RNF212B: variants seen among roughly 807,000 people sequenced by gnomAD.
The protein encoded by RNF212B is E3 ubiquitin-protein ligase RNF212B.
A neutral mutation model predicts 55.5 loss-of-function variants in RNF212B; 52 were observed. That is an observed-to-expected ratio of 0.94 (90% CI 0.75 to 1.18). RNF212B has a LOEUF of 1.18. RNF212B is among the 50% of genes most tolerant of loss of function. RNF212B has a pLI of 0.00. For missense variants in RNF212B, 289 were observed against 350.4 expected, an observed-to-expected ratio of 0.82 and a Z score of 1.40; for synonymous variants, 99 against 121.4, an observed-to-expected ratio of 0.82 and a Z score of 1.21.
At chr14:23,261,940 C>T (rs1017467913) in intron 7 of RNF212B, among the ~76,000 whole-genome samples, 1 of 151,948 alleles carries the variant, frequency 6.6e-6, no homozygotes, top group Non-Finnish European at 1.5e-5. Context: ...TGCACTCCAG[C>T]CTGGGTGACA....
chr14:23,267,816 C>A (rs1488246613), intron 11 of RNF212B, among the ~76,000 whole-genome samples: 1 of 152,160 alleles, frequency 6.6e-6, no homozygotes, highest in Non-Finnish European at 1.5e-5. Flanking sequence ...TATATTTTTT[C>A]ATCCTTCTCC....
chr14:23,207,142 C>T (rs1879924409), intron 2 of RNF212B, among the ~76,000 whole-genome samples: 4 of 152,144 alleles, frequency 2.6e-5, no homozygotes. Flanking sequence ...CAGCCAACAA[C>T]AAGAGTTAAG....
intron 2 of RNF212B, among the ~76,000 whole-genome samples, chr14:23,216,479 T>C (rs1368745004): frequency 6.6e-6 from 1 of 151,894 alleles, no homozygotes; most frequent in Non-Finnish European, 1.5e-5. Flanking sequence ...ATGGTTTAAC[T>C]GTATCAATCA....
At chr14:23,258,751 G>A in intron 5 of RNF212B, 87 bp downstream of exon 5, 1 of 540,854 alleles carries the variant, frequency 1.8e-6, no homozygotes, top group Non-Finnish European at 3.1e-6. Flanking sequence ...GCAAAGCCTG[G>A]AAATTGCTCC....
chr14:23,212,621 G>T (rs1880638597), intron 2 of RNF212B, among the ~76,000 whole-genome samples: 1 of 151,448 alleles, frequency 6.6e-6, no homozygotes, highest in Non-Finnish European at 1.5e-5. Context: ...TGTCGCCCAG[G>T]CCCAGGCTGG....
intron 2 of RNF212B, among the ~76,000 whole-genome samples, chr14:23,203,996 C>G (rs1038482819): frequency 6.6e-6 from 1 of 152,046 alleles, no homozygotes; most frequent in Non-Finnish European, 1.5e-5. Context: ...GCTGAGCATA[C>G]GTTTGTTTGC....
chr14:23,228,082 T>C (rs2140415350), intron 2 of RNF212B, among the ~76,000 whole-genome samples: 1 of 151,266 alleles, frequency 6.6e-6, no homozygotes, highest in South Asian at 2.1e-4. Context: ...AATACAAAAT[T>C]AGCCAGGCGT....
intron 2 of RNF212B, among the ~76,000 whole-genome samples, chr14:23,224,235 CAA>C (rs201138786): frequency 1.4e-5 from 2 of 139,982 alleles, no homozygotes; most frequent in Non-Finnish European, 1.6e-5. Flanking sequence ...TATAGAATGT[CAA>C]AAAAAAAAAG....
intron 10 of RNF212B, 85 bp downstream of exon 10, chr14:23,264,319 T>C: frequency 2.5e-6 from 3 of 1,179,140 alleles, no homozygotes; most frequent in East Asian, 2.6e-5. Context: ...TAAATTTATA[T>C]TGGTTTTGGC....
chr14:23,228,462 C>CAA (rs776673043), intron 2 of RNF212B, among the ~76,000 whole-genome samples: 2,554 of 75,858 alleles, frequency 0.034, 56 homozygotes, highest in African/African-American at 0.043. Context: ...CTATCTCTAC[C>CAA]AAAAAAAAAA....
At chr14:23,229,230 A>ATATATG (rs1285700371) in intron 2 of RNF212B, among the ~76,000 whole-genome samples, 6 of 56,774 alleles carry the variant, frequency 1.1e-4, no homozygotes, top group Non-Finnish European at 2.2e-4. Context: ...TTATATATAT[A>ATATATG]TATATATATA....
At chr14:23,218,171 C>A (rs555780630) in intron 2 of RNF212B, among the ~76,000 whole-genome samples, 39 of 151,368 alleles carry the variant, frequency 2.6e-4, no homozygotes, top group Middle Eastern at 3.5e-3. Context: ...GATCGAGACC[C>A]TCTTGGCTAA....
chr14:23,235,313 A>G (rs138653398), upstream of RNF212B, among the ~76,000 whole-genome samples: 1,365 of 152,238 alleles, frequency 9.0e-3, 16 homozygotes, highest in African/African-American at 0.031. Context: ...TTGTGCCACT[A>G]AACTCTAGCC....
chr14:23,186,214 G>A (rs372404194), intron 1 of RNF212B, among the ~76,000 whole-genome samples: 5 of 152,128 alleles, frequency 3.3e-5, no homozygotes, highest in East Asian at 3.8e-4. Flanking sequence ...ATCTTTTTGT[G>A]ACATAAACTC....
intron 1 of RNF212B, among the ~76,000 whole-genome samples, chr14:23,188,619 A>G (rs1877825607): frequency 6.6e-6 from 1 of 152,094 alleles, no homozygotes; most frequent in South Asian, 2.1e-4. Context: ...GGTGCACACC[A>G]CTATGCCTGG....
chr14:23,232,710 G>T (rs1329279180), intron 2 of RNF212B, among the ~76,000 whole-genome samples: 2 of 145,966 alleles, frequency 1.4e-5, no homozygotes, highest in Non-Finnish European at 3.0e-5. Flanking sequence ...CCCCCGCCCG[G>T]CCAGCCGCCC....
At chr14:23,256,794 C>T (rs1391474737) in intron 4 of RNF212B, among the ~76,000 whole-genome samples, 3 of 152,188 alleles carry the variant, frequency 2.0e-5, no homozygotes, top group Admixed American at 6.5e-5. Flanking sequence ...TCAAGCAATC[C>T]ACCCACTTCA....
intron 5 of RNF212B, 27 bp downstream of exon 5, chr14:23,258,691 AGCT>A: frequency 1.2e-6 from 1 of 867,922 alleles, no homozygotes; most frequent in Non-Finnish European, 1.7e-6. Context: ...GTCCCAAGAG[AGCT>A]TTTTTTTTTT....
intron 11 of RNF212B, among the ~76,000 whole-genome samples, chr14:23,267,320 A>G (rs1323642063): frequency 6.6e-6 from 1 of 151,916 alleles, no homozygotes; most frequent in Admixed American, 6.6e-5. Flanking sequence ...CTTCAATTCT[A>G]TCAGTTTTTG....
Sources: gnomAD v4.1 joint callset for allele counts (sites outside exome capture counted in the v4.1 genomes callset) on GRCh38, gnomAD v4.1.1 for gene constraint, MANE v1.5 for transcripts, NCBI Gene and HGNC (gene_info 2026-07-23, HGNC 2026-07-21) for gene names.